The following MYT1L variants were observed in gnomAD, a reference collection of about 807,000 sequenced individuals.
The protein encoded by MYT1L is myelin transcription factor 1 like.
Under a neutral mutation model 126.7 loss-of-function variants are expected in MYT1L, and 12 were observed. The observed-to-expected ratio is 0.09, with a 90% confidence interval of 0.06 to 0.15. The LOEUF (loss-of-function observed/expected upper bound fraction) is 0.15. Among genes scored for constraint, MYT1L ranks in the 10% least tolerant of loss-of-function variants. The pLI is 1.00. For missense variants in MYT1L, 979 were observed against 1,585.2 expected, an observed-to-expected ratio of 0.62 and a Z score of 6.49; for synonymous variants, 541 against 604.2, an observed-to-expected ratio of 0.90 and a Z score of 1.53.
intron 1 of MYT1L, among the ~76,000 whole-genome samples, chr2:2,329,405 T>G (rs1248727775): frequency 1.3e-5 from 2 of 152,074 alleles, no homozygotes; most frequent in Non-Finnish European, 2.9e-5. Context: ...TATGTACAGA[T>G]CAAAAGACAA....
At chr2:2,309,852 G>T (rs2095929726) in intron 1 of MYT1L, among the ~76,000 whole-genome samples, 1 of 149,016 alleles carries the variant, frequency 6.7e-6, no homozygotes, top group African/African-American at 2.5e-5. Flanking sequence ...ATGCTTTACT[G>T]CTCTCTACCT....
At chr2:2,086,581 A>G (rs1222157399) in intron 3 of MYT1L, among the ~76,000 whole-genome samples, 1 of 152,138 alleles carries the variant, frequency 6.6e-6, no homozygotes, top group Non-Finnish European at 1.5e-5. Flanking sequence ...TCACTCTGCA[A>G]TCCTGACAAC....
intron 4 of MYT1L, among the ~76,000 whole-genome samples, chr2:2,046,576 C>T (rs1456259271): frequency 6.6e-6 from 1 of 152,190 alleles, no homozygotes; most frequent in African/African-American, 2.4e-5. Flanking sequence ...GGTATAAATA[C>T]TGTGATTATT....
chr2:2,232,395 A>G (rs1014496812), intron 2 of MYT1L, among the ~76,000 whole-genome samples: 2 of 152,214 alleles, frequency 1.3e-5, no homozygotes, highest in East Asian at 1.9e-4. Flanking sequence ...GCTGCCAGCT[A>G]TGGGCTTTAC....
At chr2:2,112,623 G>A (rs1344299673) in intron 3 of MYT1L, among the ~76,000 whole-genome samples, 1 of 152,092 alleles carries the variant, frequency 6.6e-6, no homozygotes, top group Non-Finnish European at 1.5e-5. Flanking sequence ...TCTGGGGAAA[G>A]GCCTGGCTTC....
rs147742704 is a variant in MYT1L at position 2,072,470 on chromosome 2, A to T, written c.-303-18347T>A. ...CACTCAGAATCGTCTTCCTGTCCTC[A>T]ATTCTGCCAGAAAAAATGCATGAGA... On this transcript the variant is annotated intron_variant, in intron 3 of 24. Coordinates refer to ENST00000647738, the MANE Select transcript of MYT1L (RefSeq NM_001303052.2). Among the ~76,000 whole-genome samples the T allele has an allele frequency of 3.7e-3, 567 of 152,296 alleles. 1 individual carries two copies. Among genetic ancestry groups the T allele is most frequent in the African/African-American group, 0.013 (539 of 41,556 alleles).
At chr2:2,028,147 C>A (rs1182053000) in intron 4 of MYT1L, among the ~76,000 whole-genome samples, 1 of 152,274 alleles carries the variant, frequency 6.6e-6, no homozygotes, top group African/African-American at 2.4e-5. Flanking sequence ...AGAGCAGATG[C>A]TGGAAGAATG....
At chr2:2,324,319 C>G (rs1460363567) in intron 1 of MYT1L, 2 of 152,402 alleles carry the variant, frequency 1.3e-5, no homozygotes, top group African/African-American at 4.8e-5. Context: ...TGCCTTCCAT[C>G]TTAGGGACTC....
At chr2:2,013,694 G>A (rs921416929) in intron 4 of MYT1L, among the ~76,000 whole-genome samples, 26 of 152,200 alleles carry the variant, frequency 1.7e-4, no homozygotes, top group African/African-American at 3.9e-4. Flanking sequence ...ACTCCATCTC[G>A]CTGGGCTGAA....
intron 3 of MYT1L, among the ~76,000 whole-genome samples, chr2:2,107,485 G>A (rs888514454): frequency 3.3e-5 from 5 of 152,224 alleles, no homozygotes; most frequent in Admixed American, 2.0e-4. Flanking sequence ...AGCATTTGCG[G>A]GACTCTGGTA....
intron 1 of MYT1L, among the ~76,000 whole-genome samples, chr2:2,316,070 T>C (rs927410090): frequency 4.6e-5 from 7 of 152,322 alleles, no homozygotes; most frequent in South Asian, 4.1e-4. Flanking sequence ...GGAGCCTCCT[T>C]GGTAATAGTG....
chr2:2,104,411 T>C (rs1185454195), intron 3 of MYT1L, among the ~76,000 whole-genome samples: 1 of 152,224 alleles, frequency 6.6e-6, no homozygotes, highest in Non-Finnish European at 1.5e-5. Context: ...AAATGTTAAG[T>C]GGCAACTGAA....
intron 3 of MYT1L, among the ~76,000 whole-genome samples, chr2:2,067,994 T>G (rs1010100543): frequency 1.3e-5 from 2 of 152,066 alleles, no homozygotes; most frequent in African/African-American, 4.8e-5. Context: ...AATTACAATG[T>G]TTTTTGAAGT....
Position 1,954,162 on chromosome 2 carries a change from G to T in MYT1L, c.153-10828C>A, listed in dbSNP as rs527833607. ...ATGCACAAAGTCAAAGCCTCAGGTTGTACAGAGCTAGACGTTCCACCCTCT... is the reference window on the plus strand; with the variant it reads ...ATGCACAAAGTCAAAGCCTCAGGTTTTACAGAGCTAGACGTTCCACCCTCT... On this transcript the variant is annotated intron_variant, in intron 8 of 24. Coordinates refer to ENST00000647738, the MANE Select transcript of MYT1L (RefSeq NM_001303052.2). Among the ~76,000 whole-genome samples the T allele has an allele frequency of 2.0e-5, 3 of 152,278 alleles. No homozygotes were observed. In the East Asian group the frequency reaches 5.8e-4, roughly 29 times the overall value.
rs1558393556 is a variant in MYT1L at position 1,917,840 on chromosome 2, T to C, written c.1484-501A>G. Among the ~76,000 whole-genome samples the C allele has an allele frequency of 1.3e-5, 2 of 152,176 alleles. No homozygotes were observed. Among genetic ancestry groups the C allele is most frequent in the East Asian group, 1.9e-4 (1 of 5,198 alleles). On this transcript the variant is annotated intron_variant, in intron 10 of 24. Coordinates refer to ENST00000647738, the MANE Select transcript of MYT1L (RefSeq NM_001303052.2). The surrounding 1 kb of genome is among the most constrained non-coding windows in gnomAD (Gnocchi z 5.9). ...CTGCAGGATTTTACTGACATTGAAA[T>C]TTGCTCTCCGGAGGTCAAGTGACAT...
At position 2,120,799 on chromosome 2, in the gene MYT1L, T is replaced by TG. The variant is rs565310204; in HGVS notation, c.-304+52072dup. Among the ~76,000 whole-genome samples the TG allele has an allele frequency of 7.2e-4, 109 of 152,136 alleles. 1 individual carries two copies. The highest frequency in any genetic ancestry group is 2.5e-3 in the African/African-American group (105 of 41,518). On this transcript the variant is annotated intron_variant, in intron 3 of 24. Coordinates refer to ENST00000647738, the MANE Select transcript of MYT1L (RefSeq NM_001303052.2). ...CGAATGTGCGCATTGCACACACGTGTGTGTGTATTATCCTCATCTCTGAAC... is the reference window on the plus strand; with the variant it reads ...CGAATGTGCGCATTGCACACACGTGTGGTGTGTATTATCCTCATCTCTGAAC...
chr2:2,117,086 C>G (rs1284496776), intron 3 of MYT1L, among the ~76,000 whole-genome samples: 1 of 152,194 alleles, frequency 6.6e-6, no homozygotes, highest in Non-Finnish European at 1.5e-5. Flanking sequence ...CCCTGCAGAG[C>G]ACCCACAGCT....
chr2:2,249,181 C>T (rs192959802), intron 2 of MYT1L, among the ~76,000 whole-genome samples: 12 of 151,752 alleles, frequency 7.9e-5, no homozygotes, highest in Admixed American at 7.2e-4. Flanking sequence ...TTGCAGGATA[C>T]AAAATTAACA....
chr2:2,256,191 C>T (rs561197813), intron 2 of MYT1L, among the ~76,000 whole-genome samples: 1 of 152,318 alleles, frequency 6.6e-6, no homozygotes, highest in South Asian at 2.1e-4. Flanking sequence ...GCTGACATGG[C>T]ACGCTGCTCA....
Sources: gnomAD v4.1 joint callset for allele counts (sites outside exome capture counted in the v4.1 genomes callset) on GRCh38, gnomAD v4.1.1 for gene constraint, Gnocchi (gnomAD v3.1) non-coding constraint, MANE v1.5 for transcripts, NCBI Gene and HGNC (gene_info 2026-07-23, HGNC 2026-07-21) for gene names.